TNR: variants seen among roughly 807,000 people sequenced by gnomAD.
TNR encodes the protein tenascin R.
TNR carries 45 observed loss-of-function variants against 150.4 expected under a neutral mutation model. The observed-to-expected ratio is 0.30, with a 90% CI of 0.24 to 0.38. The LOEUF (loss-of-function observed/expected upper bound fraction) is 0.38. Ranked by LOEUF, TNR falls within the 10% of genes least tolerant of loss-of-function variation. The probability of loss-of-function intolerance (pLI) is 1.00; values close to 1 mark genes in which losing one functional copy is unlikely to be tolerated. For missense variants in TNR, 1,544 were observed against 1,759.1 expected (o/e 0.88, Z 2.19); for synonymous variants, 687 against 678.4 (o/e 1.01, Z -0.20).
intron 1 of TNR, among the ~76,000 whole-genome samples, chr1:175,727,922 A>G (rs571565489): frequency 6.6e-6 from 1 of 152,368 alleles, no homozygotes; most frequent in East Asian, 1.9e-4. Flanking sequence ...TGGAGGCAGG[A>G]AAGGTAACTT....
At chr1:175,329,162 T>G (rs1649576566) in intron 21 of TNR, among the ~76,000 whole-genome samples, 1 of 152,230 alleles carries the variant, frequency 6.6e-6, no homozygotes, top group Non-Finnish European at 1.5e-5. Context: ...GACAACACCT[T>G]AATGCTCTTC....
At chr1:175,469,834 AT>A (rs1657204418) in intron 2 of TNR, among the ~76,000 whole-genome samples, 1 of 151,982 alleles carries the variant, frequency 6.6e-6, no homozygotes, top group African/African-American at 2.4e-5. Flanking sequence ...GTGAAGCACT[AT>A]TGAGGCTGAA....
intron 1 of TNR, among the ~76,000 whole-genome samples, chr1:175,654,843 C>G (rs1055656268): frequency 2.0e-5 from 3 of 151,414 alleles, no homozygotes; most frequent in African/African-American, 7.3e-5. Context: ...CTCAGCCTCC[C>G]GAGTAGCTGG....
chr1:175,531,253 C>T (rs936061789), intron 1 of TNR, among the ~76,000 whole-genome samples: 1 of 152,216 alleles, frequency 6.6e-6, no homozygotes, highest in Non-Finnish European at 1.5e-5. Flanking sequence ...TCATCGTGAA[C>T]CCCATATACT....
intron 1 of TNR, among the ~76,000 whole-genome samples, chr1:175,705,755 C>T (rs1388066909): frequency 6.6e-6 from 1 of 152,140 alleles, no homozygotes; most frequent in Non-Finnish European, 1.5e-5. Context: ...AATGGAAAAG[C>T]ATGGTCAGGA....
chr1:175,491,738 C>T (rs1011787958), intron 2 of TNR, among the ~76,000 whole-genome samples: 5 of 150,790 alleles, frequency 3.3e-5, no homozygotes, highest in Non-Finnish European at 5.9e-5. Flanking sequence ...CAAGCTCTGC[C>T]TCCAGGGTTC....
At chr1:175,374,771 C>G (rs1213516231) in intron 9 of TNR, among the ~76,000 whole-genome samples, 2 of 152,192 alleles carry the variant, frequency 1.3e-5, no homozygotes, top group Non-Finnish European at 2.9e-5. Flanking sequence ...GGCAGGTGCC[C>G]TGTGGAGTGG....
chr1:175,718,467 G>C (rs1667214572), intron 1 of TNR, among the ~76,000 whole-genome samples: 1 of 152,232 alleles, frequency 6.6e-6, no homozygotes, highest in South Asian at 2.1e-4. Flanking sequence ...GGTAGGGGAA[G>C]GAGGTGGCCA....
At chr1:175,381,363 T>C (rs1173232687) in intron 8 of TNR, among the ~76,000 whole-genome samples, 1 of 152,204 alleles carries the variant, frequency 6.6e-6, no homozygotes, top group Non-Finnish European at 1.5e-5. Context: ...ACCCAGGCCT[T>C]GGAAATGTTA....
chr1:175,359,970 A>C (rs1014947799), intron 14 of TNR, among the ~76,000 whole-genome samples: 1 of 152,106 alleles, frequency 6.6e-6, no homozygotes, highest in African/African-American at 2.4e-5. Flanking sequence ...TCTTCCTTTT[A>C]ATTAATTCAA....
intron 9 of TNR, among the ~76,000 whole-genome samples, chr1:175,379,186 A>ATCCGTCTC: frequency 1.8e-5 from 1 of 54,830 alleles, no homozygotes; most frequent in South Asian, 5.3e-4. Flanking sequence ...TCTCAAAAAA[A>ATCCGTCTC]AAAAAAAAAA....
chr1:175,635,646 T>C (rs1421524349), intron 1 of TNR, among the ~76,000 whole-genome samples: 4 of 152,178 alleles, frequency 2.6e-5, no homozygotes, highest in Admixed American at 1.3e-4. Flanking sequence ...ATTGACTCTA[T>C]AGAGACTGAA....
intron 1 of TNR, among the ~76,000 whole-genome samples, chr1:175,724,493 C>T (rs893497369): frequency 6.6e-6 from 1 of 152,112 alleles, no homozygotes; most frequent in African/African-American, 2.4e-5. Context: ...CACTAGGCCC[C>T]ACCTACAACA....
At chr1:175,713,219 CG>C (rs557021124) in intron 1 of TNR, among the ~76,000 whole-genome samples, 21 of 152,316 alleles carry the variant, frequency 1.4e-4, no homozygotes, top group African/African-American at 4.8e-4. Flanking sequence ...TGTGGTTACA[CG>C]TAAGAATCAA....
intron 1 of TNR, among the ~76,000 whole-genome samples, chr1:175,550,925 T>C (rs894198732): frequency 3.3e-5 from 5 of 152,112 alleles, no homozygotes; most frequent in African/African-American, 9.7e-5. Flanking sequence ...ATTGACACCA[T>C]GTGTAGGAGA....
rs111763681 is a variant in TNR at position 175,664,426 on chromosome 1, T to A, written c.-165+78800A>T. On this transcript the variant is annotated intron_variant, in intron 1 of 22. Coordinates refer to ENST00000367674, the MANE Select transcript of TNR (RefSeq NM_003285.3). ...GTCTGTAGGTAAGTAAAGGAAGGAG[T>A]GAGGTATAAAAGTGGACTGCTCTGA... 1.5e-3 allele frequency among the ~76,000 whole-genome samples: 229 copies of A among 151,650 alleles called. 3 individuals are homozygous for A. Among genetic ancestry groups the A allele is most frequent in the African/African-American group, 5.3e-3 (220 of 41,312 alleles).
chr1:175,588,230 G>A (rs1440063318), intron 1 of TNR, among the ~76,000 whole-genome samples: 3 of 152,236 alleles, frequency 2.0e-5, no homozygotes, highest in African/African-American at 2.4e-5. Context: ...TAAGCAGTTG[G>A]ACTAATTCTT....
chr1:175,588,022 C>T (rs1348639221), intron 1 of TNR, among the ~76,000 whole-genome samples: 1 of 152,146 alleles, frequency 6.6e-6, no homozygotes, highest in Admixed American at 6.5e-5. Context: ...GATCACTTTC[C>T]AATCATGTAA....
intron 1 of TNR, among the ~76,000 whole-genome samples, chr1:175,660,961 T>C (rs10913052): frequency 0.68 from 102,804 of 152,056 alleles, 34,896 homozygotes; most frequent in East Asian, 0.74. Flanking sequence ...CATTAATGTC[T>C]GGCACCCACT....
Sources: allele counts gnomAD v4.1 joint callset (sites outside exome capture counted in the v4.1 genomes callset), GRCh38; gene constraint gnomAD v4.1.1; transcripts MANE v1.5; gene names NCBI Gene and HGNC (gene_info 2026-07-23, HGNC 2026-07-21).